LPCAT1: variants seen among roughly 807,000 people sequenced by gnomAD.
LPCAT1 encodes lysophosphatidylcholine acyltransferase 1.
A neutral mutation model predicts 60.9 loss-of-function variants in LPCAT1; 23 were observed. The observed-to-expected ratio is 0.38, with a 90% CI of 0.27 to 0.53. The LOEUF (loss-of-function observed/expected upper bound fraction) is 0.53. Ranked by LOEUF, LPCAT1 falls within the 20% of genes least tolerant of loss-of-function variation. The pLI is 0.82. For synonymous variants in LPCAT1, 340 were observed against 301.1 expected (o/e 1.13, Z -1.34); for missense variants, 622 against 723.6 (o/e 0.86, Z 1.61).
intron 2 of LPCAT1, among the ~76,000 whole-genome samples, chr5:1,500,901 C>T (rs2126586897): frequency 6.6e-6 from 1 of 152,372 alleles, no homozygotes; most frequent in Non-Finnish European, 1.5e-5. Context: ...GCACCAGGTC[C>T]AGCTGCCTCT....
intron 11 of LPCAT1, among the ~76,000 whole-genome samples, chr5:1,472,950 C>T (rs1054659032): frequency 2.6e-5 from 4 of 152,234 alleles, no homozygotes; most frequent in South Asian, 4.1e-4. Context: ...TGCATACTTG[C>T]GGGGCAGCCT....
In LPCAT1 at chr5:1,523,454, G is replaced by A. The variant is rs1736736740; in HGVS notation, c.135+256C>T. On this transcript the variant is annotated intron_variant, in intron 1 of 13. Coordinates refer to ENST00000283415, the MANE Select transcript of LPCAT1 (RefSeq NM_024830.5). The surrounding 1 kb of genome is among the most constrained non-coding windows in gnomAD (Gnocchi z 7.1). Reference sequence around the variant, plus strand: ...AGAACGCGGGGCGGGGATGGGAAGCGGGGACCCCGAGGAAGGCGCTGAGGG... The same window carrying A: ...AGAACGCGGGGCGGGGATGGGAAGCAGGGACCCCGAGGAAGGCGCTGAGGG... Among the ~76,000 whole-genome samples the A allele has an allele frequency of 6.6e-6, 1 of 151,696 alleles. No homozygotes were observed. Among genetic ancestry groups the A allele is most frequent in the South Asian group, 2.1e-4 (1 of 4,832 alleles).
chr5:1,517,530 C>G (rs1203280432), intron 1 of LPCAT1, among the ~76,000 whole-genome samples: 2 of 152,238 alleles, frequency 1.3e-5, no homozygotes, highest in Admixed American at 1.3e-4. Context: ...CCCCTGCAGG[C>G]ACAGGAGGCA....
Position 1,489,465 on chromosome 5 carries a change from G to A in LPCAT1, c.606+281C>T, listed in dbSNP as rs189591953. On this transcript the variant is annotated intron_variant, in intron 4 of 13. Transcript: ENST00000283415. Reference sequence around the variant, plus strand: ...TCCAAAATCACACTGCACCAGGAGGGCGGGTGAGCAATGCTCTATCTGAGT... The same window carrying A: ...TCCAAAATCACACTGCACCAGGAGGACGGGTGAGCAATGCTCTATCTGAGT... Among the ~76,000 whole-genome samples, 299 of 152,352 alleles carry A rather than the reference G, an allele frequency of 2.0e-3. 2 individuals carry two copies. Among genetic ancestry groups the A allele is most frequent in the East Asian group, 5.6e-3 (29 of 5,192 alleles).
intron 12 of LPCAT1, among the ~76,000 whole-genome samples, chr5:1,470,114 G>C (rs1466023853): frequency 6.6e-6 from 1 of 152,270 alleles, no homozygotes; most frequent in Non-Finnish European, 1.5e-5. Flanking sequence ...TCAGGCCCTT[G>C]AGAGTCTGGC....
At chr5:1,507,101 C>A (rs62331146) in intron 1 of LPCAT1, among the ~76,000 whole-genome samples, 5 of 152,174 alleles carry the variant, frequency 3.3e-5, no homozygotes, top group Admixed American at 2.6e-4. Context: ...AGGCTGAATG[C>A]GGAGAGGGGG....
At chr5:1,500,148 C>T (rs111830014) in intron 2 of LPCAT1, among the ~76,000 whole-genome samples, 2 of 152,244 alleles carry the variant, frequency 1.3e-5, no homozygotes, top group African/African-American at 2.4e-5. Flanking sequence ...CAATTAACTA[C>T]TAATATTCCT....
At chr5:1,501,389 T>G (rs1735997337) in intron 2 of LPCAT1, 72 bp downstream of exon 2, 275 of 1,520,876 alleles carry the variant, frequency 1.8e-4, no homozygotes, top group Non-Finnish European at 2.2e-4. Context: ...AACCCCACTG[T>G]GAGAATGGGT....
intron 9 of LPCAT1, among the ~76,000 whole-genome samples, chr5:1,475,100 A>G (rs941428659): frequency 6.6e-6 from 1 of 152,250 alleles, no homozygotes; most frequent in Non-Finnish European, 1.5e-5. Flanking sequence ...ACAAACGTGA[A>G]GCAACTGTCT....
chr5:1,481,754 G>A lies in LPCAT1; in HGVS notation c.727-778C>T, dbSNP rs1196373888. ...GCACTGGGGCATGGTTTCCGCAGCG[G>A]AGGCAGGAAGGGGCCCTTGGCCAGG... On this transcript the variant is annotated intron_variant, in intron 6 of 13. Coordinates refer to ENST00000283415, the MANE Select transcript of LPCAT1 (RefSeq NM_024830.5). The surrounding 1 kb of genome is among the most constrained non-coding windows in gnomAD (Gnocchi z 7.8). Among the ~76,000 whole-genome samples the A allele has an allele frequency of 6.6e-6, 1 of 152,282 alleles. No homozygotes were observed. Among genetic ancestry groups the A allele is most frequent in the Non-Finnish European group, 1.5e-5 (1 of 68,052 alleles).
rs1257541276 is a variant in LPCAT1 at position 1,523,920 on chromosome 5, TCTCGGGGCGCGGGC to T, written c.-90_-77del. 3 of 959,352 alleles carry T rather than the reference TCTCGGGGCGCGGGC, an allele frequency of 3.1e-6. No individual in the cohort carries two copies. Among genetic ancestry groups the T allele is most frequent in the Non-Finnish European group, 3.7e-6 (3 of 804,886 alleles). The allele number at this position is 959,352 out of a possible 1,614,324, so 59.4% of individuals were successfully genotyped here. ...GGGGCCGGGGCTAGCTGGGCGCGGG[TCTCGGGGCGCGGGC>T]CGAGGATGCGCGGCGGCTGGAGCGG... On this transcript the variant is annotated 5_prime_UTR_variant, in exon 1 of 14. Transcript: ENST00000283415. The surrounding 1 kb of genome is among the most constrained non-coding windows in gnomAD (Gnocchi z 7.1).
chr5:1,474,538 G>A (rs993280863), intron 10 of LPCAT1, 22 bp downstream of exon 10: 1 of 1,612,964 alleles, frequency 6.2e-7, no homozygotes, highest in Non-Finnish European at 8.5e-7. Context: ...TAATGCTCAA[G>A]GAAGAAGAAC....
chr5:1,493,773 G>T lies in LPCAT1; in HGVS notation c.493+927C>A, dbSNP rs188827632. On this transcript the variant is annotated intron_variant, in intron 3 of 13. Coordinates refer to ENST00000283415, the MANE Select transcript of LPCAT1 (RefSeq NM_024830.5). Reference sequence around the variant, plus strand: ...TCCCAGAGCAGTGGGTCCATGGGATGCGGCCCCCAAAGATGGGTCCACATG... The same window carrying T: ...TCCCAGAGCAGTGGGTCCATGGGATTCGGCCCCCAAAGATGGGTCCACATG... 4.9e-4 allele frequency among the ~76,000 whole-genome samples: 74 copies of T among 152,392 alleles called. 1 individual carries two copies. Among genetic ancestry groups the T allele is most frequent in the African/African-American group, 1.7e-3 (71 of 41,596 alleles).
chr5:1,473,401 T>G (rs1026586581), intron 11 of LPCAT1, among the ~76,000 whole-genome samples: 1 of 152,240 alleles, frequency 6.6e-6, no homozygotes, highest in Non-Finnish European at 1.5e-5. Flanking sequence ...ACCTCGCACC[T>G]TCCTAAAACC....
chr5:1,501,717 G>T, intron 1 of LPCAT1, 114 bp from the exon 2 acceptor site: 1 of 1,092,772 alleles, frequency 9.2e-7, no homozygotes, highest in Non-Finnish European at 1.4e-6. Context: ...GAGAGCTGGG[G>T]AGGGGCTGCA....
In LPCAT1 at chr5:1,483,115, C is replaced by T. The variant is rs998521347; in HGVS notation, c.726+313G>A. Among the ~76,000 whole-genome samples the T allele has an allele frequency of 1.3e-5, 2 of 152,250 alleles. No individual in the cohort carries two copies. The highest frequency in any genetic ancestry group is 2.1e-4 in the South Asian group (1 of 4,822). ...TCTCCAAAATGTCAGGTTTGGCACA[C>T]AGAGGAAAGGGCAGCTTTGTCAGGA... On this transcript the variant is annotated intron_variant, in intron 6 of 13. Coordinates refer to ENST00000283415, the MANE Select transcript of LPCAT1 (RefSeq NM_024830.5). The surrounding 1 kb of genome is among the most constrained non-coding windows in gnomAD (Gnocchi z 9.2).
rs1179312425 is a variant in LPCAT1, at chr5:1,487,470, G to C, written c.667+921C>G. 6.6e-6 allele frequency among the ~76,000 whole-genome samples: 1 copy of C among 152,184 alleles called. No individual in the cohort carries two copies. The highest frequency in any genetic ancestry group is 1.5e-5 in the Non-Finnish European group (1 of 68,036). On this transcript the variant is annotated intron_variant, in intron 5 of 13. Transcript: ENST00000283415. The surrounding 1 kb of genome is among the most constrained non-coding windows in gnomAD (Gnocchi z 6.1). ...CCTGCTGCACCAAGGAGGGTGGAGGGTGAAAGCACGCGCATCTGAGCTGGA... is the reference window on the plus strand; with the variant it reads ...CCTGCTGCACCAAGGAGGGTGGAGGCTGAAAGCACGCGCATCTGAGCTGGA...
chr5:1,520,033 AG>A (rs1053463299), intron 1 of LPCAT1, among the ~76,000 whole-genome samples: 3 of 152,230 alleles, frequency 2.0e-5, no homozygotes, highest in African/African-American at 7.2e-5. Context: ...GAATCCAGGC[AG>A]GCAGCACCCA....
At chr5:1,484,333 C>G (rs1016907507) in intron 5 of LPCAT1, among the ~76,000 whole-genome samples, 1 of 152,268 alleles carries the variant, frequency 6.6e-6, no homozygotes, top group Non-Finnish European at 1.5e-5. Flanking sequence ...AGCAAGGCAC[C>G]ATGGACTCTG....
Sources: allele counts gnomAD v4.1 joint callset (sites outside exome capture counted in the v4.1 genomes callset), GRCh38; gene constraint gnomAD v4.1.1; non-coding constraint Gnocchi (gnomAD v3.1); transcripts MANE v1.5; gene names NCBI Gene and HGNC (gene_info 2026-07-23, HGNC 2026-07-21).